Variants in PALS2 observed in about 807,000 individuals in gnomAD.
The protein encoded by PALS2 is protein associated with LIN7 2, MAGUK p55 family member.
PALS2 carries 27 observed loss-of-function variants against 61.6 expected under a neutral mutation model. The observed-to-expected ratio is 0.44, with a 90% CI of 0.32 to 0.60. The LOEUF (loss-of-function observed/expected upper bound fraction) is 0.60, where lower values mean the gene tolerates loss of function less well. Among genes scored for constraint, PALS2 ranks in the 20% least tolerant of loss-of-function variants. PALS2 has a pLI of 0.05. For missense variants in PALS2, 554 were observed against 639.4 expected, an observed-to-expected ratio of 0.87 and a Z score of 1.44; for synonymous variants, 236 against 218.6, an observed-to-expected ratio of 1.08 and a Z score of -0.70.
chr7:24,626,618 G>T (rs377105432), intron 2 of PALS2, among the ~76,000 whole-genome samples: 2 of 152,128 alleles, frequency 1.3e-5, no homozygotes, highest in African/African-American at 4.8e-5. Context: ...CCAGTCTGCT[G>T]TATTCAGGAG....
At chr7:24,678,334 C>T (rs916893249) in intron 9 of PALS2, among the ~76,000 whole-genome samples, 3 of 152,160 alleles carry the variant, frequency 2.0e-5, no homozygotes, top group African/African-American at 4.8e-5. Flanking sequence ...GCTATTCAAT[C>T]TCATTTTCCC....
At chr7:24,632,106 C>A (rs1022990106) in intron 2 of PALS2, among the ~76,000 whole-genome samples, 3 of 152,092 alleles carry the variant, frequency 2.0e-5, no homozygotes, top group African/African-American at 4.8e-5. Context: ...TCAGATTTTA[C>A]CTCCCATATT....
intron 8 of PALS2, 57 bp from the exon 9 acceptor site, chr7:24,668,442 G>T (rs2128089094): frequency 6.7e-7 from 1 of 1,481,706 alleles, no homozygotes; most frequent in East Asian, 2.3e-5. Flanking sequence ...GAATTGCAGA[G>T]ATTTCTTTCA....
intron 9 of PALS2, among the ~76,000 whole-genome samples, chr7:24,675,297 A>G (rs543167893): frequency 9.2e-5 from 14 of 152,182 alleles, no homozygotes; most frequent in Non-Finnish European, 1.3e-4. Flanking sequence ...AATGTTCACA[A>G]TGTTGAACCA....
intron 2 of PALS2, among the ~76,000 whole-genome samples, chr7:24,624,551 A>T (rs1321284600): frequency 6.6e-6 from 1 of 150,720 alleles, no homozygotes; most frequent in African/African-American, 2.4e-5. Context: ...CCTCTGAAAA[A>T]TACCTTTTAC....
At chr7:24,680,340 A>G in intron 10 of PALS2, 52 bp from the exon 11 acceptor site, 1 of 1,552,986 alleles carries the variant, frequency 6.4e-7, no homozygotes, top group Admixed American at 1.7e-5. Flanking sequence ...AGGGTAGCAG[A>G]ATTCTAGTTC....
intron 1 of PALS2, among the ~76,000 whole-genome samples, chr7:24,586,875 C>G (rs1006471419): frequency 6.6e-6 from 1 of 152,034 alleles, no homozygotes; most frequent in African/African-American, 2.4e-5. Flanking sequence ...GCAAATTCAC[C>G]ATGACAAACC....
In PALS2 at chr7:24,690,890, G is replaced by C. The variant is rs2128040832; in HGVS notation, c.*3276G>C. 6.6e-6 allele frequency: 1 copy of C among 152,004 alleles called. No homozygotes were observed. Among genetic ancestry groups the C allele is most frequent in the Non-Finnish European group, 1.5e-5 (1 of 67,998 alleles). 9.4% of individuals were successfully genotyped at this position (152,004 alleles called of 1,614,324 possible). A position where few individuals can be genotyped will look rare whatever the true frequency, so the allele number is the denominator to read the frequency against. On this transcript the variant is annotated 3_prime_UTR_variant, in exon 12 of 12. Transcript: ENST00000222644. Reference sequence around the variant, plus strand: ...TCTAGAATCCAATAAATTTATAGTAGTTCTTAAGAAGTTTCCTTTAAAGCA... The same window carrying C: ...TCTAGAATCCAATAAATTTATAGTACTTCTTAAGAAGTTTCCTTTAAAGCA...
chr7:24,656,596 A>G (rs994478794), intron 5 of PALS2, among the ~76,000 whole-genome samples: 3 of 151,992 alleles, frequency 2.0e-5, no homozygotes, highest in Non-Finnish European at 4.4e-5. Flanking sequence ...ATCACAGCTC[A>G]CTGCAGCCTC....
At chr7:24,658,952 G>A (rs1419444160) in intron 5 of PALS2, among the ~76,000 whole-genome samples, 1 of 152,112 alleles carries the variant, frequency 6.6e-6, no homozygotes, top group Admixed American at 6.6e-5. Context: ...TTGTCACCCA[G>A]GTAGTGAGCA....
At chr7:24,606,244 C>T (rs571089968) in intron 1 of PALS2, among the ~76,000 whole-genome samples, 30 of 152,070 alleles carry the variant, frequency 2.0e-4, no homozygotes, top group Non-Finnish European at 3.7e-4. Flanking sequence ...TCTTATGAAT[C>T]AAGTATTTTC....
Position 24,689,725 on chromosome 7 carries a change from C to T in PALS2, c.*2111C>T, listed in dbSNP as rs902999976. The T allele has an allele frequency of 6.6e-6, 1 of 152,020 alleles. No homozygotes were observed. The highest frequency in any genetic ancestry group is 1.5e-5 in the Non-Finnish European group (1 of 68,018). The allele number at this position is 152,020 out of a possible 1,614,324, so 9.4% of individuals were successfully genotyped here. A position where few individuals can be genotyped will look rare whatever the true frequency, so the allele number is the denominator to read the frequency against. ...GAAACTTTCAAACTACATGTGTTTACACCAAATTCTTGGCTTCTCAAAGCA... is the reference window on the plus strand; with the variant it reads ...GAAACTTTCAAACTACATGTGTTTATACCAAATTCTTGGCTTCTCAAAGCA... On this transcript the variant is annotated 3_prime_UTR_variant, in exon 12 of 12. Transcript: ENST00000222644.
Position 24,691,405 on chromosome 7 carries a change from G to GTGTGTGTGTGTGTGTGTA in PALS2, c.*3792_*3793insGTGTGTGTGTGTGTGTAT, listed in dbSNP as rs1274329385. The GTGTGTGTGTGTGTGTGTA allele has an allele frequency of 1.5e-4, 17 of 110,590 alleles. 1 individual carries two copies. Among genetic ancestry groups the GTGTGTGTGTGTGTGTGTA allele is most frequent in the African/African-American group, 4.9e-4 (16 of 32,376 alleles). 6.9% of individuals were successfully genotyped at this position (110,590 alleles called of 1,614,324 possible). On this transcript the variant is annotated 3_prime_UTR_variant, in exon 12 of 12. Transcript: ENST00000222644. The stretch of plus-strand genomic sequence containing the variant: ...ATATTATGTATGTGTGTGTGTGTGT[G>GTGTGTGTGTGTGTGTGTA]TATATATATATATATATATATATAT...
At chr7:24,630,391 G>T (rs1028361226) in intron 2 of PALS2, among the ~76,000 whole-genome samples, 1 of 151,954 alleles carries the variant, frequency 6.6e-6, no homozygotes, top group Non-Finnish European at 1.5e-5. Flanking sequence ...GTAGATGATG[G>T]GTTGATGGGT....
intron 1 of PALS2, among the ~76,000 whole-genome samples, chr7:24,599,836 C>A (rs901498824): frequency 1.5e-4 from 23 of 151,834 alleles, no homozygotes; most frequent in African/African-American, 5.3e-4. Context: ...TTTTTTTTAA[C>A]CTTTTAATCT....
At chr7:24,679,006 G>T in intron 9 of PALS2, 125 bp from the exon 10 acceptor site, 1 of 732,330 alleles carries the variant, frequency 1.4e-6, no homozygotes, top group East Asian at 2.7e-5. Context: ...AAGCAGATCA[G>T]ATCTGGTCAT....
intron 10 of PALS2, 49 bp downstream of exon 10, chr7:24,679,382 G>A (rs768546701): frequency 8.8e-6 from 14 of 1,588,038 alleles, no homozygotes; most frequent in South Asian, 5.7e-5. Flanking sequence ...TTTCTGTGGA[G>A]TTTTTTTCAT....
chr7:24,628,668 G>A (rs551234989), intron 2 of PALS2, among the ~76,000 whole-genome samples: 5 of 152,164 alleles, frequency 3.3e-5, no homozygotes, highest in South Asian at 4.2e-4. Context: ...AAATCAGCGC[G>A]CAAAAATCCC....
At chr7:24,604,806 C>T (rs780254575) in intron 1 of PALS2, among the ~76,000 whole-genome samples, 1 of 152,190 alleles carries the variant, frequency 6.6e-6, no homozygotes, top group African/African-American at 2.4e-5. Context: ...CAAATACCAT[C>T]CCACTGGGAA....
Sources: allele counts gnomAD v4.1 joint callset (sites outside exome capture counted in the v4.1 genomes callset), GRCh38; gene constraint gnomAD v4.1.1; transcripts MANE v1.5; gene names NCBI Gene and HGNC (gene_info 2026-07-23, HGNC 2026-07-21).